The following ZBTB7C variants were observed in gnomAD, a reference collection of about 807,000 sequenced individuals.
ZBTB7C encodes zinc finger and BTB domain containing 7C.
A neutral mutation model predicts 25.7 loss-of-function variants in ZBTB7C; 8 were observed. That is an observed-to-expected ratio of 0.31 (90% CI 0.18 to 0.56). The LOEUF (loss-of-function observed/expected upper bound fraction) is 0.56, where lower values mean the gene tolerates loss of function less well. ZBTB7C is among the 20% of genes least tolerant of loss of function. The pLI is 0.91. For synonymous variants in ZBTB7C, 394 were observed against 369.0 expected, an observed-to-expected ratio of 1.07 and a Z score of -0.78; for missense variants, 824 against 855.2, an observed-to-expected ratio of 0.96 and a Z score of 0.46.
At chr18:48,369,683 T>A (rs1315264172) in intron 1 of ZBTB7C, among the ~76,000 whole-genome samples, 1 of 152,134 alleles carries the variant, frequency 6.6e-6, no homozygotes, top group Non-Finnish European at 1.5e-5. Flanking sequence ...AAATGGTCAA[T>A]CCACCAGAAT....
At chr18:48,043,788 C>T (rs895588546) in intron 3 of ZBTB7C, among the ~76,000 whole-genome samples, 8 of 152,126 alleles carry the variant, frequency 5.3e-5, no homozygotes, top group East Asian at 3.9e-4. Flanking sequence ...GTAGCTGAAA[C>T]GATAAGTATC....
intron 2 of ZBTB7C, among the ~76,000 whole-genome samples, chr18:48,315,486 T>C (rs928843278): frequency 6.6e-6 from 1 of 152,122 alleles, no homozygotes; most frequent in African/African-American, 2.4e-5. Context: ...CTGGTTTGAG[T>C]GCAAAGGGCA....
chr18:48,233,988 A>G (rs1455810249), intron 2 of ZBTB7C, among the ~76,000 whole-genome samples: 2 of 152,112 alleles, frequency 1.3e-5, no homozygotes, highest in Non-Finnish European at 2.9e-5. Context: ...TCCTTCCAAC[A>G]CTAAACTTTC....
intron 3 of ZBTB7C, among the ~76,000 whole-genome samples, chr18:48,120,457 C>T (rs569460227): frequency 6.6e-6 from 1 of 152,240 alleles, no homozygotes; most frequent in East Asian, 1.9e-4. Context: ...AAAACCTTAT[C>T]TCTACCAACA....
intron 3 of ZBTB7C, among the ~76,000 whole-genome samples, chr18:48,051,320 T>A (rs1160090524): frequency 6.6e-6 from 1 of 152,044 alleles, no homozygotes; most frequent in Admixed American, 6.6e-5. Flanking sequence ...GCTTTGGGGA[T>A]AGAAATGGGT....
intron 3 of ZBTB7C, among the ~76,000 whole-genome samples, chr18:48,075,405 C>A (rs2037724266): frequency 6.6e-6 from 1 of 152,202 alleles, no homozygotes; most frequent in Non-Finnish European, 1.5e-5. Flanking sequence ...AAGGAGAAGC[C>A]AGATGGAAAT....
At chr18:48,316,612 T>C (rs950984201) in intron 2 of ZBTB7C, among the ~76,000 whole-genome samples, 1 of 152,180 alleles carries the variant, frequency 6.6e-6, no homozygotes, top group Non-Finnish European at 1.5e-5. Flanking sequence ...AGCTGGTTGT[T>C]TTGAAAAGCC....
At chr18:48,360,871 C>A (rs2047089327) in intron 1 of ZBTB7C, among the ~76,000 whole-genome samples, 1 of 152,040 alleles carries the variant, frequency 6.6e-6, no homozygotes, top group African/African-American at 2.4e-5. Context: ...AGGGAGGTCT[C>A]CTTGTGGGTT....
intron 2 of ZBTB7C, chr18:48,252,578 C>CCGT (rs1218647243): frequency 6.6e-6 from 1 of 152,262 alleles, no homozygotes; most frequent in Non-Finnish European, 1.5e-5. Context: ...CTGCCTCTTC[C>CCGT]CGTCAGGTCC....
chr18:48,193,360 C>T (rs2042242690), intron 2 of ZBTB7C, among the ~76,000 whole-genome samples: 1 of 142,410 alleles, frequency 7.0e-6, no homozygotes, highest in African/African-American at 2.4e-5. Context: ...AGAGGCTAGA[C>T]TCTGCCCAGC....
intron 3 of ZBTB7C, among the ~76,000 whole-genome samples, chr18:48,155,137 C>A (rs1268505098): frequency 6.6e-6 from 1 of 151,972 alleles, no homozygotes; most frequent in Non-Finnish European, 1.5e-5. Context: ...GCAAATAGGC[C>A]CCATGTGACA....
Position 48,088,687 on chromosome 18 carries a change from G to A in ZBTB7C, c.-16-47564C>T, listed in dbSNP as rs183949272. On this transcript the variant is annotated intron_variant, in intron 3 of 4. Transcript: ENST00000590800. ...TACTAAAAATACAAAAAAATTAGCC[G>A]GGTGTGGTGGTGCATACCTGTAATC... 6.5e-4 allele frequency among the ~76,000 whole-genome samples: 99 copies of A among 152,110 alleles called. 1 individual carries two copies. The East Asian group carries it at 0.012, about 19-fold the overall frequency.
chr18:48,179,808 T>TTTACTTCC (rs2041833163), intron 3 of ZBTB7C, among the ~76,000 whole-genome samples: 1 of 101,904 alleles, frequency 9.8e-6, no homozygotes, highest in African/African-American at 3.6e-5. Context: ...TCCTTCCTTA[T>TTTACTTCC]TTCCTTCCTT....
At chr18:48,365,631 A>G (rs907979316) in intron 1 of ZBTB7C, among the ~76,000 whole-genome samples, 2 of 152,140 alleles carry the variant, frequency 1.3e-5, no homozygotes, top group Admixed American at 1.3e-4. Flanking sequence ...TGACACCTGG[A>G]TTGCAGTCTT....
At chr18:48,182,282 G>A (rs2041947189) in intron 3 of ZBTB7C, among the ~76,000 whole-genome samples, 1 of 152,172 alleles carries the variant, frequency 6.6e-6, no homozygotes, top group Admixed American at 6.5e-5. Context: ...GAGAGAGAGT[G>A]TAAACATGAA....
intron 1 of ZBTB7C, among the ~76,000 whole-genome samples, chr18:48,406,512 G>A (rs2048286303): frequency 6.6e-6 from 1 of 152,116 alleles, no homozygotes; most frequent in South Asian, 2.1e-4. Flanking sequence ...CTATCTTGTG[G>A]GAATGCTGAT....
In ZBTB7C at chr18:48,160,196, C is replaced by T. The variant is rs561936825; in HGVS notation, c.-17+25738G>A. Among the ~76,000 whole-genome samples, 19 of 152,272 alleles carry T rather than the reference C, an allele frequency of 1.2e-4. No individual in the cohort carries two copies. The South Asian group carries it at 1.5e-3, about 12-fold the overall frequency. On this transcript the variant is annotated intron_variant, in intron 3 of 4. Coordinates refer to ENST00000590800, the MANE Select transcript of ZBTB7C (RefSeq NM_001318841.2). Reference sequence around the variant, plus strand: ...GGCCAACTACCCTAGAGAAACATTTCGCTAGCACACTCAGTGACAAGGAGC... The same window carrying T: ...GGCCAACTACCCTAGAGAAACATTTTGCTAGCACACTCAGTGACAAGGAGC...
At chr18:48,408,773 G>T (rs2048339760) in intron 1 of ZBTB7C, 1 of 151,546 alleles carries the variant, frequency 6.6e-6, no homozygotes, top group African/African-American at 2.4e-5. Flanking sequence ...GCCCCGCTCG[G>T]GCCCGCAGGC....
chr18:48,406,342 G>A (rs72921535), intron 1 of ZBTB7C, among the ~76,000 whole-genome samples: 6,651 of 152,124 alleles, frequency 0.044, 183 homozygotes, highest in Non-Finnish European at 0.054. Flanking sequence ...GTGAGAGGCC[G>A]GTAATATTAC....
Sources: gnomAD v4.1 joint callset for allele counts (sites outside exome capture counted in the v4.1 genomes callset) on GRCh38, gnomAD v4.1.1 for gene constraint, MANE v1.5 for transcripts, NCBI Gene and HGNC (gene_info 2026-07-23, HGNC 2026-07-21) for gene names.